Variants in GLI4 observed in about 807,000 individuals in gnomAD.
GLI4 encodes GLI family zinc finger 4, also known as zinc finger protein GLI4.
A neutral mutation model predicts 30.9 loss-of-function variants in GLI4; 34 were observed. That is an observed-to-expected ratio of 1.10 (90% CI 0.84 to 1.47). GLI4 has a LOEUF of 1.47. GLI4 is among the 40% of genes most tolerant of loss of function. The pLI is 0.00. For synonymous variants in GLI4, 277 were observed against 236.7 expected (o/e 1.17, Z -1.56); for missense variants, 696 against 538.9 (o/e 1.29, Z -2.89).
Position 143,276,880 on chromosome 8 carries a change from GC to G in GLI4, c.*79del, listed in dbSNP as rs2129695524. Reference sequence around the variant, plus strand: ...CACCCCGTCCCCCACGGTGGGCACTGCCCAGCACCGCATGCCACGTGTCCGG... The same window carrying G: ...CACCCCGTCCCCCACGGTGGGCACTGCCAGCACCGCATGCCACGTGTCCGG... On this transcript the variant is annotated 3_prime_UTR_variant, in exon 4 of 4. Transcript: ENST00000340042. 2.3e-6 allele frequency: 2 copies of G among 873,944 alleles called. No individual in the cohort carries two copies. The highest frequency in any genetic ancestry group is 1.8e-5 in the South Asian group (1 of 57,114). 54.1% of individuals were successfully genotyped at this position (873,944 alleles called of 1,614,324 possible). A position where few individuals can be genotyped will look rare whatever the true frequency, so the allele number is the denominator to read the frequency against.
intron 2 of GLI4, among the ~76,000 whole-genome samples, chr8:143,272,706 G>A (rs978304383): frequency 4.6e-5 from 7 of 152,188 alleles, no homozygotes; most frequent in Non-Finnish European, 1.0e-4. Context: ...CCCGAATGTG[G>A]GCAGGTGTCA....
intron 2 of GLI4, among the ~76,000 whole-genome samples, chr8:143,269,940 C>T (rs1815228589): frequency 6.6e-6 from 1 of 152,226 alleles, no homozygotes; most frequent in South Asian, 2.1e-4. Flanking sequence ...CTCGCAGGGA[C>T]AGAGCGCCAG....
At chr8:143,272,838 C>T (rs922675083) in intron 2 of GLI4, among the ~76,000 whole-genome samples, 2 of 152,170 alleles carry the variant, frequency 1.3e-5, no homozygotes, top group African/African-American at 4.8e-5. Flanking sequence ...CAGGGCAGTT[C>T]CCAGGGAGCT....
At chr8:143,275,441 C>T in intron 3 of GLI4, 1 of 1,363,356 alleles carries the variant, frequency 7.3e-7, no homozygotes, top group Non-Finnish European at 9.4e-7. Context: ...TGGGCGGCAG[C>T]ACACTTGCCA....
rs1030218064 is a variant in GLI4, at chr8:143,276,604, A to G, written c.931A>G (p.Ile311Val). The G allele has an allele frequency of 6.2e-7, 1 of 1,605,776 alleles. No individual in the cohort carries two copies. The highest frequency in any genetic ancestry group is 1.7e-5 in the Admixed American group (1 of 59,522). Residue 311 changes from isoleucine to valine, a missense_variant, in exon 4 of 4, where the codon ATC becomes GTC. Ile to Val is a conservative substitution (Grantham distance 29). Coordinates refer to ENST00000340042, the MANE Select transcript of GLI4 (RefSeq NM_138465.4). ...GGCCTTCATCTGGAGCTCCGTGCTC[A>G]TCGAGCACCAGCGCATCCACACTGG... ...GKAFIWSSVLIEHQRIHTGEK... is the reference protein window; with the variant it reads ...GKAFIWSSVLVEHQRIHTGEK...
chr8:143,268,056 A>AG (rs1361739723), intron 1 of GLI4: 1 of 985,316 alleles, frequency 1.0e-6, no homozygotes, highest in Non-Finnish European at 1.2e-6. Flanking sequence ...GGGCCAAGCC[A>AG]GGGTCGGGGT....
chr8:143,271,968 G>T (rs2129674386), intron 2 of GLI4, among the ~76,000 whole-genome samples: 1 of 152,342 alleles, frequency 6.6e-6, no homozygotes, highest in African/African-American at 2.4e-5. Flanking sequence ...GAGCTGGGCT[G>T]GGCTTGGGGG....
chr8:143,270,194 C>T (rs1323219272), intron 2 of GLI4, among the ~76,000 whole-genome samples: 2 of 152,258 alleles, frequency 1.3e-5, no homozygotes, highest in East Asian at 1.9e-4. Flanking sequence ...CTGGAGAGCC[C>T]GTGCCTGGCC....
At chr8:143,268,788 C>G (rs770874369) in intron 1 of GLI4, among the ~76,000 whole-genome samples, 1 of 150,628 alleles carries the variant, frequency 6.6e-6, no homozygotes, top group Non-Finnish European at 1.5e-5. Flanking sequence ...TCTGCTGTGC[C>G]GCCCAGGCGG....
At chr8:143,269,214 CTG>C in intron 1 of GLI4, 144 bp from the exon 2 acceptor site, 3 of 677,144 alleles carry the variant, frequency 4.4e-6, no homozygotes, top group Non-Finnish European at 7.8e-6. Flanking sequence ...CTATGTGTCT[CTG>C]TGGGTTCATC....
chr8:143,267,455 G>A lies in GLI4; in HGVS notation c.-67G>A, dbSNP rs998312261. On this transcript the variant is annotated 5_prime_UTR_variant, in exon 1 of 4. Transcript: ENST00000340042. ...GGGGCGGGGCCGGACACTTCCGTCC[G>A]GCGCGCGGCGTCCTCCTCCCGCTCG... is the stretch of plus-strand genomic sequence containing the variant. The A allele has an allele frequency of 2.0e-6, 2 of 985,086 alleles. No homozygotes were observed. Among genetic ancestry groups the A allele is most frequent in the African/African-American group, 1.8e-5 (1 of 57,124 alleles). The allele number at this position is 985,086 out of a possible 1,614,324, so 61.0% of individuals were successfully genotyped here.
intron 3 of GLI4, chr8:143,275,158 G>A: frequency 6.5e-7 from 1 of 1,535,798 alleles, no homozygotes; most frequent in Non-Finnish European, 8.7e-7. Context: ...AGATCCACGA[G>A]TTATCCTGTG....
chr8:143,268,880 G>A (rs1253148715), intron 1 of GLI4, among the ~76,000 whole-genome samples: 2 of 37,752 alleles, frequency 5.3e-5, no homozygotes. Context: ...GTCTTGCTGT[G>A]TCTCCCAGGC....
intron 2 of GLI4, among the ~76,000 whole-genome samples, chr8:143,274,262 G>C (rs4545119): frequency 0.47 from 71,208 of 151,768 alleles, 17,401 homozygotes; most frequent in East Asian, 0.66. Context: ...AGAAAGGTCT[G>C]GGGCCAAGGC....
At position 143,276,651 on chromosome 8, in the gene GLI4, C is replaced by A; in HGVS notation, c.978C>A (p.Ser326=). Residue 326 remains serine, a synonymous_variant, in exon 4 of 4, where the codon TCC becomes TCA. Transcript: ENST00000340042. Reference sequence around the variant, plus strand: ...CTGGCGAGAAGCCCTACGAGTGCTCCGACTGCGGCAAAGCCTTCCGCGGCC... The same window carrying A: ...CTGGCGAGAAGCCCTACGAGTGCTCAGACTGCGGCAAAGCCTTCCGCGGCC... ...IHTGEKPYEC[S]DCGKAFRGRS... The A allele has an allele frequency of 1.2e-6, 2 of 1,612,242 alleles. No homozygotes were observed. The highest frequency in any genetic ancestry group is 1.7e-6 in the Non-Finnish European group (2 of 1,179,640).
chr8:143,275,366 G>C, intron 3 of GLI4: 1 of 1,406,912 alleles, frequency 7.1e-7, no homozygotes, highest in Non-Finnish European at 9.2e-7. Context: ...TCTGAGGTCA[G>C]GTCCCTGGAA....
chr8:143,273,573 G>A (rs547799933), intron 2 of GLI4, among the ~76,000 whole-genome samples: 26 of 151,944 alleles, frequency 1.7e-4, no homozygotes, highest in East Asian at 5.9e-4. Flanking sequence ...TCACCCCACC[G>A]CAGCTGGGGC....
At chr8:143,275,663 T>G in intron 3 of GLI4, 12 of 1,240,310 alleles carry the variant, frequency 9.7e-6, no homozygotes, top group Non-Finnish European at 1.2e-5. Context: ...CTGTGGATGG[T>G]CCCAGCAGCT....
At chr8:143,268,990 C>G (rs939785188) in intron 1 of GLI4, among the ~76,000 whole-genome samples, 1 of 152,184 alleles carries the variant, frequency 6.6e-6, no homozygotes, top group African/African-American at 2.4e-5. Flanking sequence ...ATTACAGGTG[C>G]CCGCCACTGC....
Sources: allele counts gnomAD v4.1 joint callset (sites outside exome capture counted in the v4.1 genomes callset), GRCh38; gene constraint gnomAD v4.1.1; transcripts MANE v1.5; gene names NCBI Gene and HGNC (gene_info 2026-07-23, HGNC 2026-07-21).